Variants in PDIA5 observed in about 807,000 individuals in gnomAD.
PDIA5 encodes protein disulfide isomerase family A member 5, also known as protein disulfide-isomerase A5.
PDIA5 carries 58 observed loss-of-function variants against 77.6 expected under a neutral mutation model. The observed-to-expected ratio is 0.75, with a 90% confidence interval of 0.61 to 0.93. The LOEUF (loss-of-function observed/expected upper bound fraction) is 0.93, where lower values mean the gene tolerates loss of function less well. Ranked by LOEUF, PDIA5 falls within the 40% of genes least tolerant of loss-of-function variation. The pLI is 0.00. For synonymous variants in PDIA5, 250 were observed against 252.1 expected, an observed-to-expected ratio of 0.99 and a Z score of 0.08; for missense variants, 630 against 647.7, an observed-to-expected ratio of 0.97 and a Z score of 0.30.
chr3:123,157,672 C>T (rs1303028057), intron 15 of PDIA5, among the ~76,000 whole-genome samples: 2 of 152,194 alleles, frequency 1.3e-5, no homozygotes, highest in African/African-American at 4.8e-5. Context: ...TTAGCTCCTG[C>T]AGAGATTTAT....
At chr3:123,148,304 A>G (rs546924388) in intron 13 of PDIA5, among the ~76,000 whole-genome samples, 4 of 152,340 alleles carry the variant, frequency 2.6e-5, no homozygotes, top group East Asian at 1.9e-4. Flanking sequence ...ACGGTGGCTC[A>G]TGGCTGTAAT....
intron 1 of PDIA5, among the ~76,000 whole-genome samples, chr3:123,079,034 T>A (rs897533380): frequency 1.3e-5 from 2 of 152,156 alleles, no homozygotes; most frequent in Non-Finnish European, 2.9e-5. Flanking sequence ...TTTAAACATT[T>A]AGATTGGACA....
chr3:123,130,795 C>T (rs1442154214), intron 11 of PDIA5, among the ~76,000 whole-genome samples, 179 bp downstream of exon 11: 1 of 152,128 alleles, frequency 6.6e-6, no homozygotes, highest in Non-Finnish European at 1.5e-5. Context: ...ACATGGCCTA[C>T]CCCCCATTGC....
intron 11 of PDIA5, among the ~76,000 whole-genome samples, chr3:123,137,688 G>C (rs959174477): frequency 6.6e-6 from 1 of 152,108 alleles, no homozygotes; most frequent in Non-Finnish European, 1.5e-5. Context: ...GACACCAAGA[G>C]GTCAAGAAAC....
At chr3:123,084,230 C>T (rs2107914165) in intron 1 of PDIA5, among the ~76,000 whole-genome samples, 1 of 152,268 alleles carries the variant, frequency 6.6e-6, no homozygotes, top group South Asian at 2.1e-4. Flanking sequence ...GTGGCACTTC[C>T]TTGCACCTTC....
intron 1 of PDIA5, among the ~76,000 whole-genome samples, chr3:123,071,007 C>T (rs142194228): frequency 1.6e-3 from 244 of 151,750 alleles, no homozygotes; most frequent in African/African-American, 3.4e-3. Flanking sequence ...TCTGACATGA[C>T]GATATTTTGA....
At chr3:123,094,026 A>C (rs1420099145) in intron 3 of PDIA5, among the ~76,000 whole-genome samples, 1 of 152,200 alleles carries the variant, frequency 6.6e-6, no homozygotes. Context: ...CTGAAGACAG[A>C]CTATGGAGAT....
At chr3:123,138,185 A>G (rs749590759) in intron 11 of PDIA5, among the ~76,000 whole-genome samples, 3 of 152,186 alleles carry the variant, frequency 2.0e-5, no homozygotes, top group Non-Finnish European at 4.4e-5. Flanking sequence ...ACCTCAAGCA[A>G]TCTTCCTGCC....
At chr3:123,146,025 G>T in intron 12 of PDIA5, 74 bp from the exon 13 acceptor site, 1 of 1,424,232 alleles carries the variant, frequency 7.0e-7, no homozygotes, top group Non-Finnish European at 9.7e-7. Context: ...TGTGGGGGCA[G>T]CGTCTGGGCT....
chr3:123,083,241 T>G, intron 1 of PDIA5, among the ~76,000 whole-genome samples: 3 of 147,506 alleles, frequency 2.0e-5, no homozygotes, highest in African/African-American at 5.0e-5. Context: ...TGAAGCTCTG[T>G]GAGGGGGTTT....
rs758931770 is a variant in PDIA5 at position 123,145,472 on chromosome 3, C to T, written c.911-50C>T. 9 of 1,465,024 alleles carry T rather than the reference C, an allele frequency of 6.1e-6. No individual in the cohort carries two copies. The East Asian group carries it at 1.1e-4, about 18-fold the overall frequency. 90.8% of individuals were successfully genotyped at this position (1,465,024 alleles called of 1,614,324 possible). A position where few individuals can be genotyped will look rare whatever the true frequency, so the allele number is the denominator to read the frequency against. On this transcript the variant is annotated intron_variant, in intron 11 of 16. Coordinates refer to ENST00000316218, the MANE Select transcript of PDIA5 (RefSeq NM_006810.4). ...TACAGAGGCGGCGCAGGGGAGCATC[C>T]CGAGGGCCTCTGTGCCATAAGAATG...
intron 1 of PDIA5, among the ~76,000 whole-genome samples, chr3:123,075,130 T>C (rs1933819674): frequency 6.6e-6 from 1 of 152,240 alleles, no homozygotes; most frequent in Non-Finnish European, 1.5e-5. Flanking sequence ...TTAGGGTCTC[T>C]TATTAGCGAG....
intron 6 of PDIA5, 126 bp from the exon 7 acceptor site, chr3:123,110,818 T>C (rs1934841882): frequency 3.7e-6 from 3 of 807,288 alleles, no homozygotes; most frequent in Non-Finnish European, 6.6e-6. Context: ...CTTTCTGAAG[T>C]GCTCACTCCC....
At chr3:123,152,072 T>C (rs374785024) in intron 14 of PDIA5, among the ~76,000 whole-genome samples, 1,367 of 24,780 alleles carry the variant, frequency 0.055, 1 homozygote, top group Middle Eastern at 0.12. Flanking sequence ...TGCCTGCCTT[T>C]CTTCCTGCCT....
intron 11 of PDIA5, among the ~76,000 whole-genome samples, chr3:123,131,759 C>T (rs1935375750): frequency 6.6e-6 from 1 of 151,910 alleles, no homozygotes; most frequent in Non-Finnish European, 1.5e-5. Context: ...TGTCTTCCTA[C>T]TCCCATGGAG....
intron 10 of PDIA5, among the ~76,000 whole-genome samples, chr3:123,125,224 T>C (rs780353775): frequency 1.2e-4 from 18 of 152,290 alleles, no homozygotes; most frequent in Middle Eastern, 3.4e-3. Context: ...GCTTCATGAG[T>C]ATTTGTGCAT....
chr3:123,113,970 C>A (rs1934933333), intron 7 of PDIA5, among the ~76,000 whole-genome samples: 2 of 152,230 alleles, frequency 1.3e-5, no homozygotes, highest in African/African-American at 4.8e-5. Context: ...TCAGGAAGCA[C>A]AGGGCCAGCC....
intron 1 of PDIA5, among the ~76,000 whole-genome samples, chr3:123,074,114 C>G (rs552402374): frequency 1.3e-5 from 2 of 152,332 alleles, no homozygotes; most frequent in African/African-American, 4.8e-5. Flanking sequence ...CAGCATCCTA[C>G]ATGTGCCACA....
chr3:123,122,786 G>A (rs1284014531), intron 8 of PDIA5, among the ~76,000 whole-genome samples: 8 of 152,170 alleles, frequency 5.3e-5, no homozygotes, highest in African/African-American at 1.4e-4. Context: ...CCACTGAAAC[G>A]GTTATTTATT....
Sources: gnomAD v4.1 joint callset for allele counts (sites outside exome capture counted in the v4.1 genomes callset) on GRCh38, gnomAD v4.1.1 for gene constraint, MANE v1.5 for transcripts, NCBI Gene and HGNC (gene_info 2026-07-23, HGNC 2026-07-21) for gene names.